SIPA1L1: variants seen among roughly 807,000 people sequenced by gnomAD.
SIPA1L1 encodes the protein signal-induced proliferation-associated 1-like protein 1.
Under a neutral mutation model 162.7 loss-of-function variants are expected in SIPA1L1, and 26 were observed. The ratio of observed to expected loss-of-function variants is 0.16; its 90% CI spans 0.12 to 0.22. The LOEUF (loss-of-function observed/expected upper bound fraction) is 0.22, where lower values mean the gene tolerates loss of function less well. SIPA1L1 is among the 10% of genes least tolerant of loss of function. The pLI is 1.00. For synonymous variants in SIPA1L1, 829 were observed against 837.4 expected (o/e 0.99, Z 0.17); for missense variants, 1,874 against 2,241.0 (o/e 0.84, Z 3.31).
At chr14:71,366,512 C>T (rs1165343477) in intron 2 of SIPA1L1, among the ~76,000 whole-genome samples, 4 of 152,144 alleles carry the variant, frequency 2.6e-5, no homozygotes, top group African/African-American at 4.8e-5. Context: ...TCTCTCACTG[C>T]AAACTCCGTC....
At chr14:71,457,325 A>G (rs1351602994) in intron 2 of SIPA1L1, among the ~76,000 whole-genome samples, 15 of 146,858 alleles carry the variant, frequency 1.0e-4, no homozygotes, top group African/African-American at 3.5e-4. Flanking sequence ...TTTGAGATGG[A>G]GTCTCGCTCT....
chr14:71,579,091 A>G (rs182562002), intron 4 of SIPA1L1, among the ~76,000 whole-genome samples: 6 of 152,348 alleles, frequency 3.9e-5, no homozygotes, highest in Non-Finnish European at 7.4e-5. Context: ...GTATGCAGTT[A>G]TGATTGAATA....
At chr14:71,691,499 G>A (rs1318867443) in intron 13 of SIPA1L1, among the ~76,000 whole-genome samples, 1 of 152,148 alleles carries the variant, frequency 6.6e-6, no homozygotes, top group African/African-American at 2.4e-5. Flanking sequence ...GAGGCTGAGT[G>A]GGAGGATCAC....
chr14:71,691,305 G>A (rs1424444408), intron 13 of SIPA1L1, among the ~76,000 whole-genome samples: 1 of 152,128 alleles, frequency 6.6e-6, no homozygotes. Flanking sequence ...AAGTTTGCCT[G>A]TGTTGGCTGG....
At chr14:71,555,369 TCTTC>T (rs1311597536) in intron 4 of SIPA1L1, among the ~76,000 whole-genome samples, 1 of 152,204 alleles carries the variant, frequency 6.6e-6, no homozygotes, top group Non-Finnish European at 1.5e-5. Flanking sequence ...TTCTAACTCT[TCTTC>T]TGAGTTTCTT....
chr14:71,502,253 A>ATATATATATATATATATATATATAT, intron 2 of SIPA1L1, among the ~76,000 whole-genome samples: 1 of 89,906 alleles, frequency 1.1e-5, no homozygotes, highest in African/African-American at 4.6e-5. Flanking sequence ...AAAAAAAAAA[A>ATATATATATATATATATATATATAT]AAATATATAT....
intron 4 of SIPA1L1, among the ~76,000 whole-genome samples, chr14:71,551,818 C>T (rs1488616289): frequency 6.6e-6 from 1 of 152,188 alleles, no homozygotes; most frequent in African/African-American, 2.4e-5. Flanking sequence ...CAGAGTCTTT[C>T]CACTTGCTCT....
intron 2 of SIPA1L1, chr14:71,416,286 C>T (rs2042754614): frequency 6.6e-6 from 1 of 152,126 alleles, no homozygotes; most frequent in Non-Finnish European, 1.5e-5. Flanking sequence ...GATGCAAGTC[C>T]AGACAATATC....
intron 4 of SIPA1L1, among the ~76,000 whole-genome samples, chr14:71,576,814 A>AGT (rs1240940864): frequency 6.6e-6 from 1 of 152,208 alleles, no homozygotes; most frequent in African/African-American, 2.4e-5. Flanking sequence ...GGCCAGGTGC[A>AGT]GTAGCTCATG....
intron 3 of SIPA1L1, among the ~76,000 whole-genome samples, chr14:71,525,761 G>A (rs866570008): frequency 2.6e-5 from 4 of 152,102 alleles, no homozygotes; most frequent in Admixed American, 6.6e-5. Flanking sequence ...TTAAATTGTC[G>A]TTATTTTTAA....
intron 2 of SIPA1L1, among the ~76,000 whole-genome samples, chr14:71,395,152 C>CT (rs931396254): frequency 2.6e-5 from 4 of 152,104 alleles, no homozygotes; most frequent in African/African-American, 9.7e-5. Flanking sequence ...ACTTCAAATA[C>CT]TTTCAAGAAA....
intron 8 of SIPA1L1, among the ~76,000 whole-genome samples, chr14:71,651,546 A>C (rs573440917): frequency 2.2e-4 from 33 of 152,332 alleles, no homozygotes; most frequent in African/African-American, 7.7e-4. Flanking sequence ...TTGCAACTGC[A>C]TAAAGATGTT....
At chr14:71,339,960 C>T (rs1389426828) in intron 2 of SIPA1L1, among the ~76,000 whole-genome samples, 2 of 152,176 alleles carry the variant, frequency 1.3e-5, no homozygotes, top group Non-Finnish European at 2.9e-5. Context: ...GAGGCGTTAT[C>T]TAATGCAGTC....
intron 2 of SIPA1L1, among the ~76,000 whole-genome samples, chr14:71,426,822 C>G (rs2043603229): frequency 1.3e-5 from 2 of 152,134 alleles, no homozygotes; most frequent in Non-Finnish European, 2.9e-5. Flanking sequence ...TACATAAACT[C>G]TCTTCCTCTA....
At chr14:71,580,843 G>C (rs1310203077) in intron 4 of SIPA1L1, among the ~76,000 whole-genome samples, 2 of 151,906 alleles carry the variant, frequency 1.3e-5, no homozygotes, top group Non-Finnish European at 1.5e-5. Context: ...TTTTGTTTCT[G>C]ATTATGAAGG....
intron 7 of SIPA1L1, among the ~76,000 whole-genome samples, chr14:71,648,726 C>T (rs1335862969): frequency 6.6e-6 from 1 of 152,190 alleles, no homozygotes; most frequent in African/African-American, 2.4e-5. Context: ...GTTTTGCTGC[C>T]AAATATGTTT....
Position 71,661,296 on chromosome 14 carries a change from A to G in SIPA1L1, c.2098-14A>G. 6.2e-7 allele frequency: 1 copy of G among 1,610,030 alleles called. No homozygotes were observed. The highest frequency in any genetic ancestry group is 2.2e-5 in the East Asian group (1 of 44,804). ...TGATTGTTATTTATGTTGGTTGCTT[A>G]TTTTTTCTTGTAGCTCCTGAGGAAG... On this transcript the variant is annotated splice_polypyrimidine_tract_variant and intron_variant, in intron 9 of 23. Coordinates refer to ENST00000381232, the MANE Select transcript of SIPA1L1 (RefSeq NM_001386936.1).
At chr14:71,668,616 G>T (rs970333545) in intron 10 of SIPA1L1, among the ~76,000 whole-genome samples, 1 of 152,238 alleles carries the variant, frequency 6.6e-6, no homozygotes, top group African/African-American at 2.4e-5. Context: ...TTTACTGAAA[G>T]AATTTGAGGA....
intron 2 of SIPA1L1, among the ~76,000 whole-genome samples, chr14:71,429,795 G>A (rs1435871385): frequency 1.3e-5 from 2 of 152,184 alleles, no homozygotes; most frequent in Non-Finnish European, 2.9e-5. Flanking sequence ...TTACAAATAG[G>A]TAGATCTCAT....
Sources: allele counts gnomAD v4.1 joint callset (sites outside exome capture counted in the v4.1 genomes callset), GRCh38; gene constraint gnomAD v4.1.1; transcripts MANE v1.5; gene names NCBI Gene and HGNC (gene_info 2026-07-23, HGNC 2026-07-21).